SHOC2: variants seen among roughly 807,000 people sequenced by gnomAD.
SHOC2 encodes SHOC2 leucine rich repeat scaffold protein.
In SHOC2, 4 loss-of-function variants were observed where a neutral mutation model predicts 50.2. The observed-to-expected ratio is 0.08, with a 90% CI of 0.04 to 0.18. SHOC2 has a LOEUF of 0.18. SHOC2 is among the 10% of genes least tolerant of loss of function. The probability of loss-of-function intolerance (pLI) is 1.00; values close to 1 mark genes in which losing one functional copy is unlikely to be tolerated. For missense variants in SHOC2, 388 were observed against 669.6 expected (o/e 0.58, Z 4.64); for synonymous variants, 218 against 244.5 (o/e 0.89, Z 1.01).
At chr10:110,929,515 A>G (rs1000617747) in intron 1 of SHOC2, among the ~76,000 whole-genome samples, 3 of 152,208 alleles carry the variant, frequency 2.0e-5, no homozygotes, top group African/African-American at 2.4e-5. Flanking sequence ...ATAAAATACC[A>G]TAGACTGGGC....
rs187408510 is a variant in SHOC2, at chr10:110,936,414, T to C, written c.-235+16757T>C. ...CACCGCACCCAGCCTGCTTCACTGA[T>C]GTTTAAACATTGATTCCCTCCTCCT... is the stretch of plus-strand genomic sequence containing the variant. On this transcript the variant is annotated intron_variant, in intron 1 of 8. Coordinates refer to ENST00000369452, the MANE Select transcript of SHOC2 (RefSeq NM_007373.4). 3.9e-3 allele frequency among the ~76,000 whole-genome samples: 600 copies of C among 152,150 alleles called. 5 individuals carry two copies. The highest frequency in any genetic ancestry group is 0.014 in the African/African-American group (580 of 41,526).
chr10:110,995,162 A>G (rs1002934585), intron 3 of SHOC2, among the ~76,000 whole-genome samples: 3 of 152,236 alleles, frequency 2.0e-5, no homozygotes, highest in South Asian at 2.1e-4. Context: ...GAAAGTATGA[A>G]TTAATGCCTA....
intron 1 of SHOC2, among the ~76,000 whole-genome samples, chr10:110,938,881 C>T (rs563036941): frequency 8.3e-4 from 127 of 152,148 alleles, no homozygotes; most frequent in Middle Eastern, 3.4e-3. Flanking sequence ...AATTGCTGTC[C>T]CAGGATGTAA....
At chr10:110,928,658 G>T (rs886825549) in intron 1 of SHOC2, among the ~76,000 whole-genome samples, 1 of 152,168 alleles carries the variant, frequency 6.6e-6, no homozygotes, top group Non-Finnish European at 1.5e-5. Flanking sequence ...GAGTTTGGGA[G>T]GCTGAGGCAG....
intron 8 of SHOC2, among the ~76,000 whole-genome samples, chr10:111,011,061 A>AT (rs1848557917): frequency 6.6e-6 from 1 of 152,180 alleles, no homozygotes; most frequent in African/African-American, 2.4e-5. Flanking sequence ...CTAAGAAAAA[A>AT]TTTTTAAAGG....
chr10:110,980,169 T>C (rs958020206), intron 2 of SHOC2, among the ~76,000 whole-genome samples: 2 of 151,214 alleles, frequency 1.3e-5, no homozygotes, highest in Non-Finnish European at 3.0e-5. Context: ...TTTTTTTTTT[T>C]TTTTTTTGAG....
At chr10:110,927,636 T>A (rs1234353824) in intron 1 of SHOC2, among the ~76,000 whole-genome samples, 3 of 152,208 alleles carry the variant, frequency 2.0e-5, no homozygotes, top group Admixed American at 6.5e-5. Context: ...CAGTATTTTT[T>A]AAATTTTCCC....
chr10:110,994,384 G>T (rs1848233333), intron 3 of SHOC2, among the ~76,000 whole-genome samples: 1 of 152,128 alleles, frequency 6.6e-6, no homozygotes, highest in African/African-American at 2.4e-5. Flanking sequence ...ATAGCCTTTT[G>T]TTATTTATTA....
At position 110,964,551 on chromosome 10, in the gene SHOC2, G is replaced by T; in HGVS notation, c.193G>T (p.Ala65Ser). ...CTCCAGTGCTGCCCAACCAGGGGTGGCATTTTCAGTTGACAATACGATCAA... is the reference window on the plus strand; with the variant it reads ...CTCCAGTGCTGCCCAACCAGGGGTGTCATTTTCAGTTGACAATACGATCAA... Reference protein sequence around the residue: ...KDSSAAQPGVAFSVDNTIKRP... With the variant: ...KDSSAAQPGVSFSVDNTIKRP... The change falls in exon 2 of 9, where the codon GCA (alanine) becomes TCA (serine). Residue 65 changes from alanine to serine, a missense_variant. Coordinates refer to ENST00000369452, the MANE Select transcript of SHOC2 (RefSeq NM_007373.4). This position sits in a 1 kb window ranked among gnomAD's most constrained non-coding sequence, Gnocchi z 4.9. 1 of 1,614,040 alleles carries T rather than the reference G, an allele frequency of 6.2e-7. No individual in the cohort carries two copies. Among genetic ancestry groups the T allele is most frequent in the Non-Finnish European group, 8.5e-7 (1 of 1,180,000 alleles).
chr10:110,951,174 C>T (rs1847344319), intron 1 of SHOC2, among the ~76,000 whole-genome samples: 2 of 152,122 alleles, frequency 1.3e-5, no homozygotes, highest in Admixed American at 6.6e-5. Flanking sequence ...TATTTAAGAA[C>T]TCAATGATAC....
chr10:110,981,864 T>TA (rs1357526775), intron 2 of SHOC2, among the ~76,000 whole-genome samples: 4 of 1,330 alleles, frequency 3.0e-3, no homozygotes, highest in Non-Finnish European at 0.014. Flanking sequence ...ATTTATTTAT[T>TA]TATTTATTTT....
At chr10:110,935,049 A>G (rs1456728285) in intron 1 of SHOC2, among the ~76,000 whole-genome samples, 1 of 152,168 alleles carries the variant, frequency 6.6e-6, no homozygotes, top group Non-Finnish European at 1.5e-5. Flanking sequence ...ATGTGCATAT[A>G]TATGTATATA....
At chr10:110,934,279 G>A (rs937624818) in intron 1 of SHOC2, among the ~76,000 whole-genome samples, 1 of 151,926 alleles carries the variant, frequency 6.6e-6, no homozygotes, top group Non-Finnish European at 1.5e-5. Flanking sequence ...TATATATCTT[G>A]GTGAAAACAA....
chr10:110,957,295 T>A (rs1847483083), intron 1 of SHOC2, among the ~76,000 whole-genome samples: 1 of 152,212 alleles, frequency 6.6e-6, no homozygotes, highest in South Asian at 2.1e-4. Context: ...AATATGTGCT[T>A]GAGTAAATCA....
intron 1 of SHOC2, among the ~76,000 whole-genome samples, chr10:110,943,416 T>C (rs1307659373): frequency 6.6e-6 from 1 of 152,214 alleles, no homozygotes; most frequent in Non-Finnish European, 1.5e-5. Context: ...TTTGGTTCTT[T>C]TAAAAACAAC....
At chr10:111,001,449 C>G (rs1361469590) in intron 4 of SHOC2, among the ~76,000 whole-genome samples, 1 of 152,168 alleles carries the variant, frequency 6.6e-6, no homozygotes, top group African/African-American at 2.4e-5. Flanking sequence ...GCCACCACAG[C>G]CAGCCAATAT....
At chr10:110,997,207 G>A (rs926856984) in intron 3 of SHOC2, among the ~76,000 whole-genome samples, 4 of 152,096 alleles carry the variant, frequency 2.6e-5, no homozygotes, top group Admixed American at 2.6e-4. Context: ...GGCATATAAT[G>A]CAAATTGGTC....
chr10:110,982,506 C>T (rs942135008), intron 2 of SHOC2, among the ~76,000 whole-genome samples: 9 of 152,116 alleles, frequency 5.9e-5, no homozygotes, highest in Non-Finnish European at 1.2e-4. Flanking sequence ...TCCACATCCT[C>T]TCCAGCACCT....
chr10:110,989,475 G>C (rs1201459934), intron 3 of SHOC2, among the ~76,000 whole-genome samples: 1 of 152,194 alleles, frequency 6.6e-6, no homozygotes, highest in African/African-American at 2.4e-5. Context: ...TCTTGCATGT[G>C]TGTAGCTTTT....
Sources: allele counts gnomAD v4.1 joint callset (sites outside exome capture counted in the v4.1 genomes callset), GRCh38; gene constraint gnomAD v4.1.1; non-coding constraint Gnocchi (gnomAD v3.1); transcripts MANE v1.5; gene names NCBI Gene and HGNC (gene_info 2026-07-23, HGNC 2026-07-21).